Variants in LRRC4C observed in about 807,000 individuals in gnomAD.
The protein encoded by LRRC4C is leucine-rich repeat-containing protein 4C.
A neutral mutation model predicts 33.6 loss-of-function variants in LRRC4C; 5 were observed. The observed-to-expected ratio is 0.15, with a 90% CI of 0.08 to 0.31. The LOEUF (loss-of-function observed/expected upper bound fraction) is 0.31. Ranked by LOEUF, LRRC4C falls within the 10% of genes least tolerant of loss-of-function variation. The pLI is 1.00. For missense variants in LRRC4C, 560 were observed against 796.7 expected (o/e 0.70, Z 3.58); for synonymous variants, 329 against 302.0 (o/e 1.09, Z -0.93).
At chr11:40,200,561 A>G (rs1265440299) in intron 5 of LRRC4C, among the ~76,000 whole-genome samples, 1 of 152,008 alleles carries the variant, frequency 6.6e-6, no homozygotes, top group Non-Finnish European at 1.5e-5. Flanking sequence ...TCTTCATGTG[A>G]CAGGTGTCCT....
intron 3 of LRRC4C, among the ~76,000 whole-genome samples, chr11:40,420,767 C>G (rs189376291): frequency 1.3e-5 from 2 of 152,240 alleles, no homozygotes; most frequent in African/African-American, 4.8e-5. Flanking sequence ...GAATTTTGAG[C>G]CAGGCTGTTA....
At chr11:40,890,859 T>C (rs1388839519) in intron 2 of LRRC4C, among the ~76,000 whole-genome samples, 1 of 151,644 alleles carries the variant, frequency 6.6e-6, no homozygotes, top group East Asian at 1.9e-4. Context: ...GAAAAAAAAA[T>C]TGCAAACATA....
intron 1 of LRRC4C, among the ~76,000 whole-genome samples, chr11:41,266,174 G>T (rs1316331631): frequency 6.6e-6 from 1 of 151,958 alleles, no homozygotes; most frequent in Non-Finnish European, 1.5e-5. Context: ...AGAAATAAAT[G>T]ATATAAATAG....
At chr11:40,764,777 A>G (rs1949375695) in intron 2 of LRRC4C, among the ~76,000 whole-genome samples, 1 of 152,154 alleles carries the variant, frequency 6.6e-6, no homozygotes. Flanking sequence ...TGGGAAGAGA[A>G]CAAGAATTTC....
At chr11:41,224,029 C>A (rs1042391209) in intron 1 of LRRC4C, among the ~76,000 whole-genome samples, 23 of 152,152 alleles carry the variant, frequency 1.5e-4, no homozygotes, top group African/African-American at 5.6e-4. Flanking sequence ...GTGAAATCCA[C>A]CAATATAATG....
At chr11:40,891,350 T>C (rs1711523598) in intron 2 of LRRC4C, among the ~76,000 whole-genome samples, 1 of 152,246 alleles carries the variant, frequency 6.6e-6, no homozygotes, top group South Asian at 2.1e-4. Flanking sequence ...AATTGAATTC[T>C]AAAAGTATTA....
At chr11:40,839,244 T>C (rs1264619448) in intron 2 of LRRC4C, among the ~76,000 whole-genome samples, 1 of 152,142 alleles carries the variant, frequency 6.6e-6, no homozygotes, top group African/African-American at 2.4e-5. Context: ...TCTTTTCTTT[T>C]CTTTTTTTGA....
chr11:40,671,032 G>A (rs1329905199), intron 2 of LRRC4C, among the ~76,000 whole-genome samples: 1 of 152,160 alleles, frequency 6.6e-6, no homozygotes, highest in Non-Finnish European at 1.5e-5. Context: ...CAAGGTGCTG[G>A]GATTACAGGC....
chr11:40,558,221 A>G (rs1481276460), intron 3 of LRRC4C, among the ~76,000 whole-genome samples: 1 of 152,252 alleles, frequency 6.6e-6, no homozygotes, highest in Non-Finnish European at 1.5e-5. Flanking sequence ...ATGATTAAAA[A>G]TAATATTTGA....
At chr11:40,537,966 C>G (rs1227126115) in intron 3 of LRRC4C, among the ~76,000 whole-genome samples, 1 of 152,050 alleles carries the variant, frequency 6.6e-6, no homozygotes, top group Non-Finnish European at 1.5e-5. Flanking sequence ...CACCCCAGAC[C>G]CACAGGATTA....
chr11:41,161,906 C>T (rs1944488314), intron 1 of LRRC4C, among the ~76,000 whole-genome samples: 1 of 152,008 alleles, frequency 6.6e-6, no homozygotes, highest in Non-Finnish European at 1.5e-5. Context: ...ACCAATGGGA[C>T]ATTAATACAG....
chr11:40,507,497 G>A (rs1227181246), intron 3 of LRRC4C, among the ~76,000 whole-genome samples: 1 of 151,912 alleles, frequency 6.6e-6, no homozygotes, highest in African/African-American at 2.4e-5. Context: ...AGAGTATGAA[G>A]ATAGATACTA....
chr11:40,832,281 A>G (rs1952453385), intron 2 of LRRC4C, among the ~76,000 whole-genome samples: 1 of 152,202 alleles, frequency 6.6e-6, no homozygotes, highest in Admixed American at 6.6e-5. Flanking sequence ...TCCATCATAT[A>G]TGCAGTCCAT....
chr11:41,360,741 T>C (rs1394334033), intron 1 of LRRC4C, among the ~76,000 whole-genome samples: 1 of 152,196 alleles, frequency 6.6e-6, no homozygotes, highest in Non-Finnish European at 1.5e-5. Context: ...GCCCATATTG[T>C]TGAAGCATAG....
intron 2 of LRRC4C, among the ~76,000 whole-genome samples, chr11:40,864,340 A>T (rs1225863834): frequency 6.6e-6 from 1 of 152,128 alleles, no homozygotes; most frequent in Non-Finnish European, 1.5e-5. Flanking sequence ...AAGTGCTGAG[A>T]TTGCAGGTGT....
intron 3 of LRRC4C, among the ~76,000 whole-genome samples, chr11:40,442,162 C>CAAAAAA (rs1158464665): frequency 1.8e-5 from 1 of 56,190 alleles, no homozygotes; most frequent in Non-Finnish European, 3.2e-5. Context: ...GACTCCATTT[C>CAAAAAA]AAAAAAAAAA....
chr11:40,510,323 T>C (rs1955250396), intron 3 of LRRC4C, among the ~76,000 whole-genome samples: 2 of 151,648 alleles, frequency 1.3e-5, no homozygotes, highest in Admixed American at 6.6e-5. Context: ...ACAGAAGTAA[T>C]GTGTATGAGA....
At chr11:41,231,890 T>C (rs1358678717) in intron 1 of LRRC4C, among the ~76,000 whole-genome samples, 1 of 151,856 alleles carries the variant, frequency 6.6e-6, no homozygotes, top group Non-Finnish European at 1.5e-5. Flanking sequence ...CATGGGTCTT[T>C]TTAGTGGATT....
chr11:40,760,282 C>A (rs901451066), intron 2 of LRRC4C, among the ~76,000 whole-genome samples: 2 of 151,856 alleles, frequency 1.3e-5, no homozygotes, highest in Non-Finnish European at 2.9e-5. Flanking sequence ...TATTATAAAA[C>A]AACCACACTC....
Sources: allele counts gnomAD v4.1 joint callset (sites outside exome capture counted in the v4.1 genomes callset), GRCh38; gene constraint gnomAD v4.1.1; transcripts MANE v1.5; gene names NCBI Gene and HGNC (gene_info 2026-07-23, HGNC 2026-07-21).